ODR4: variants seen among roughly 807,000 people sequenced by gnomAD.
ODR4 encodes odr-4 GPCR localization factor homolog, also known as protein odr-4 homolog.
In ODR4, 47 loss-of-function variants were observed where a neutral mutation model predicts 60.2. The observed-to-expected ratio is 0.78, with a 90% CI of 0.62 to 1.00. ODR4 has a LOEUF of 1.00. ODR4 is among the 50% of genes least tolerant of loss of function. ODR4 has a pLI of 0.00. For missense variants in ODR4, 488 were observed against 530.8 expected (o/e 0.92, Z 0.79); for synonymous variants, 178 against 175.5 (o/e 1.01, Z -0.11).
At chr1:186,399,158 G>GTA in intron 11 of ODR4, 114 bp downstream of exon 11, 1 of 733,254 alleles carries the variant, frequency 1.4e-6, no homozygotes, top group Non-Finnish European at 2.4e-6. Flanking sequence ...TTTTCAAGCA[G>GTA]TATATCATCT....
At chr1:186,401,532 CCT>C (rs150191139) in intron 11 of ODR4, 6,733 of 181,872 alleles carry the variant, frequency 0.037, 162 homozygotes, top group Non-Finnish European at 0.046. Flanking sequence ...TTCCTTCCTT[CCT>C]CTCTTTCTCT....
At chr1:186,394,148 A>G (rs1660580618) in intron 9 of ODR4, 133 bp downstream of exon 9, 1 of 585,708 alleles carries the variant, frequency 1.7e-6, no homozygotes, top group Admixed American at 3.6e-5. Context: ...GGCTGGTTAT[A>G]GGAAGGTTAT....
At chr1:186,417,256 C>T (rs1050415933) in intron 12 of ODR4, 2 of 296,644 alleles carry the variant, frequency 6.7e-6, no homozygotes, top group East Asian at 1.1e-4. Flanking sequence ...AGCCACCATG[C>T]CTGGCCAACA....
intron 3 of ODR4, among the ~76,000 whole-genome samples, chr1:186,384,708 TA>T (rs1418887857): frequency 6.6e-6 from 1 of 152,122 alleles, no homozygotes; most frequent in Non-Finnish European, 1.5e-5. Flanking sequence ...CTCCATCTCC[TA>T]AAAAATGGTT....
chr1:186,406,245 A>C lies in ODR4; in HGVS notation c.1163A>C (p.Glu388Ala). The C allele has an allele frequency of 6.2e-7, 1 of 1,605,802 alleles. No individual in the cohort carries two copies. The highest frequency in any genetic ancestry group is 8.5e-7 in the Non-Finnish European group (1 of 1,176,672). Residue 388 changes from glutamate (E) to alanine (A), a missense_variant, in exon 12 of 14, where the codon GAA (glutamate) becomes GCA (alanine). Transcript: ENST00000287859. ...CACACAATTCAAATAGAAGATTTGG[A>C]AATTGCAGAGGAAACAAACACAGGT... ...LDHTIQIEDL[E>A]IAEETNTACM...
chr1:186,401,387 T>C, intron 11 of ODR4: 3 of 447,580 alleles, frequency 6.7e-6, no homozygotes, highest in Non-Finnish European at 1.3e-5. Flanking sequence ...GCAAAGACTT[T>C]GAAGTTCTCG....
chr1:186,380,679 C>A (rs928037987), intron 2 of ODR4, among the ~76,000 whole-genome samples: 7 of 151,864 alleles, frequency 4.6e-5, no homozygotes, highest in African/African-American at 1.5e-4. Flanking sequence ...GCCTACTAGC[C>A]AATAAAGCTC....
rs896922324 is a variant in ODR4, at chr1:186,398,806, A to G, written c.910-148A>G. ...ATAAATTTGTTAATAAGTGTGCTAA[A>G]TAAGTGGAAATAAAACATTGAATGA... is the stretch of plus-strand genomic sequence containing the variant. On this transcript the variant is annotated intron_variant, in intron 10 of 13. Coordinates refer to ENST00000287859, the MANE Select transcript of ODR4 (RefSeq NM_017847.6). 20 of 561,368 alleles carry G rather than the reference A, an allele frequency of 3.6e-5. 1 individual carries two copies. Among genetic ancestry groups the G allele is most frequent in the Middle Eastern group, 4.8e-4 (1 of 2,100 alleles). 34.8% of individuals were successfully genotyped at this position (561,368 alleles called of 1,614,324 possible).
rs368870659 is a variant in ODR4, at chr1:186,384,572, G to GACACACACACACACAC, written c.235-1398_235-1383dup. ...TTTGGTCTCTCATAAAATTGTATATGACACACACACACACACACACACACA... is the reference window on the plus strand; with the variant it reads ...TTTGGTCTCTCATAAAATTGTATATGACACACACACACACACACACACACACACACACACACACACA... On this transcript the variant is annotated intron_variant, in intron 3 of 13. Transcript: ENST00000287859. 9.6e-3 allele frequency among the ~76,000 whole-genome samples: 1,238 copies of GACACACACACACACAC among 129,592 alleles called. 14 individuals are homozygous for GACACACACACACACAC. Among genetic ancestry groups the GACACACACACACACAC allele is most frequent in the African/African-American group, 0.032 (1,185 of 37,296 alleles). The allele number at this position is 129,592 out of a possible 152,430, so 85.0% of individuals were successfully genotyped here.
chr1:186,429,035 A>T, the ODR4 span, among the ~76,000 whole-genome samples: 1 of 152,166 alleles, frequency 6.6e-6, no homozygotes, highest in Non-Finnish European at 1.5e-5. Context: ...GGAGTTCAAG[A>T]CCACTCTAGG....
the ODR4 span, among the ~76,000 whole-genome samples, chr1:186,429,823 T>A: frequency 6.6e-6 from 1 of 152,208 alleles, no homozygotes; most frequent in East Asian, 1.9e-4. Context: ...TGATTTCTGA[T>A]TTTAACCTAA....
intron 11 of ODR4, among the ~76,000 whole-genome samples, chr1:186,403,220 A>G (rs1225177166): frequency 2.0e-5 from 3 of 152,138 alleles, no homozygotes; most frequent in Admixed American, 2.0e-4. Context: ...GATAATATAA[A>G]TAAATGTAAA....
At chr1:186,393,364 G>GAGAA (rs1660541211) in intron 8 of ODR4, among the ~76,000 whole-genome samples, 1 of 152,188 alleles carries the variant, frequency 6.6e-6, no homozygotes, top group South Asian at 2.1e-4. Flanking sequence ...AATTTCATCT[G>GAGAA]ATTTCCAAAT....
chr1:186,429,754 A>G, the ODR4 span, among the ~76,000 whole-genome samples: 1 of 152,166 alleles, frequency 6.6e-6, no homozygotes, highest in African/African-American at 2.4e-5. Context: ...ACTCTTACCT[A>G]AAAGATTTGT....
chr1:186,408,405 G>C lies in ODR4; in HGVS notation c.1186+2137G>C, dbSNP rs115956991. ...ACATTTTCAAGTGTAAATGGATGAT[G>C]TTACATTATCTTGGTTTAATTTCAT... On this transcript the variant is annotated intron_variant, in intron 12 of 13. Coordinates refer to ENST00000287859, the MANE Select transcript of ODR4 (RefSeq NM_017847.6). Among the ~76,000 whole-genome samples the C allele has an allele frequency of 3.0e-3, 451 of 151,904 alleles. 2 individuals carry two copies. Among genetic ancestry groups the C allele is most frequent in the Non-Finnish European group, 4.4e-3 (296 of 67,880 alleles).
chr1:186,418,376 C>T (rs954843985), intron 13 of ODR4, among the ~76,000 whole-genome samples: 1 of 150,806 alleles, frequency 6.6e-6, no homozygotes, highest in Non-Finnish European at 1.5e-5. Flanking sequence ...CTGCAAGCTC[C>T]GCTTCCCGGG....
At chr1:186,429,243 C>G in the ODR4 span, among the ~76,000 whole-genome samples, 8 of 151,662 alleles carry the variant, frequency 5.3e-5, no homozygotes, top group African/African-American at 1.9e-4. Context: ...CACACTGAGC[C>G]TGGGTGACAC....
Position 186,393,865 on chromosome 1 carries a change from G to GTA in ODR4, c.712-78_712-77dup, listed in dbSNP as rs567539280. 1,760 of 722,076 alleles carry GTA rather than the reference G, an allele frequency of 2.4e-3. 5 individuals are homozygous for GTA. The highest frequency in any genetic ancestry group is 3.6e-3 in the Non-Finnish European group (1,490 of 419,078). The allele number at this position is 722,076 out of a possible 1,614,324, so 44.7% of individuals were successfully genotyped here. A position where few individuals can be genotyped will look rare whatever the true frequency, so the allele number is the denominator to read the frequency against. On this transcript the variant is annotated intron_variant, in intron 8 of 13. Coordinates refer to ENST00000287859, the MANE Select transcript of ODR4 (RefSeq NM_017847.6). The stretch of plus-strand genomic sequence containing the variant: ...GACTTGTTTTTTTCTAAGTTACTTA[G>GTA]TATATGTACAATAGTTTATAAGTTG...
intron 9 of ODR4, among the ~76,000 whole-genome samples, chr1:186,394,594 C>A (rs981178539): frequency 2.0e-5 from 3 of 152,100 alleles, no homozygotes; most frequent in African/African-American, 7.2e-5. Flanking sequence ...TTGAAATTAT[C>A]CTAAAGAACA....
Sources: gnomAD v4.1 joint callset for allele counts (sites outside exome capture counted in the v4.1 genomes callset) on GRCh38, gnomAD v4.1.1 for gene constraint, MANE v1.5 for transcripts, NCBI Gene and HGNC (gene_info 2026-07-23, HGNC 2026-07-21) for gene names.